Variants in SLC35F6 observed in about 807,000 individuals in gnomAD.
SLC35F6 encodes solute carrier family 35 member F6.
SLC35F6 carries 26 observed loss-of-function variants against 29.4 expected under a neutral mutation model. That is an observed-to-expected ratio of 0.89 (90% CI 0.65 to 1.23). SLC35F6 has a LOEUF of 1.23. Among genes scored for constraint, SLC35F6 ranks in the 50% most tolerant of loss-of-function variants. The pLI is 0.00. For missense variants in SLC35F6, 428 were observed against 487.8 expected, an observed-to-expected ratio of 0.88 and a Z score of 1.15; for synonymous variants, 174 against 206.6, an observed-to-expected ratio of 0.84 and a Z score of 1.35.
Position 26,778,755 on chromosome 2 carries a change from C to A in SLC35F6, c.*244C>A. ...GAGTGCAGTGGCAGACCTCAGCTCT[C>A]TGGACCCCTCCTACAGCACTAGAGC... On this transcript the variant is annotated 3_prime_UTR_variant, in exon 6 of 6. Coordinates refer to ENST00000344420, the MANE Select transcript of SLC35F6 (RefSeq NM_017877.4). 1 of 513,930 alleles carries A rather than the reference C, an allele frequency of 1.9e-6. No homozygotes were observed. The highest frequency in any genetic ancestry group is 3.7e-5 in the South Asian group (1 of 27,370). 31.8% of individuals were successfully genotyped at this position (513,930 alleles called of 1,614,324 possible).
At chr2:26,771,968 G>A (rs1049378079) in intron 1 of SLC35F6, among the ~76,000 whole-genome samples, 5 of 151,840 alleles carry the variant, frequency 3.3e-5, no homozygotes, top group Admixed American at 6.6e-5. Flanking sequence ...CCAGGCTCCA[G>A]GTTTCTCTCT....
intron 1 of SLC35F6, among the ~76,000 whole-genome samples, chr2:26,767,497 T>C (rs1664115915): frequency 6.6e-6 from 1 of 152,240 alleles, no homozygotes; most frequent in Non-Finnish European, 1.5e-5. Flanking sequence ...AGGTCAGCTT[T>C]CCTCTCTGCG....
In SLC35F6 at chr2:26,778,848, T is replaced by C. The variant is rs1664355507; in HGVS notation, c.*337T>C. 1.7e-5 allele frequency: 5 copies of C among 289,610 alleles called. No individual in the cohort carries two copies. The highest frequency in any genetic ancestry group is 3.2e-5 in the Non-Finnish European group (5 of 155,220). 17.9% of individuals were successfully genotyped at this position (289,610 alleles called of 1,614,324 possible). ...ATCTGAATCATAAACTAGATTATCATAGTTATCTAGTTTATGAGTCATAAG... is the reference window on the plus strand; with the variant it reads ...ATCTGAATCATAAACTAGATTATCACAGTTATCTAGTTTATGAGTCATAAG... On this transcript the variant is annotated 3_prime_UTR_variant, in exon 6 of 6. Coordinates refer to ENST00000344420, the MANE Select transcript of SLC35F6 (RefSeq NM_017877.4).
chr2:26,776,278 CAG>C (rs1664298695), intron 4 of SLC35F6, 92 bp from the exon 5 acceptor site: 1 of 1,112,784 alleles, frequency 9.0e-7, no homozygotes, highest in Non-Finnish European at 1.3e-6. Flanking sequence ...CTGCAGAGGT[CAG>C]GGGCTGGCAT....
In SLC35F6 at chr2:26,775,783, G is replaced by C. The variant is rs978970425; in HGVS notation, c.535+107G>C. 39 of 1,233,490 alleles carry C rather than the reference G, an allele frequency of 3.2e-5. No homozygotes were observed. The highest frequency in any genetic ancestry group is 3.8e-5 in the Non-Finnish European group (35 of 910,922). 76.4% of individuals were successfully genotyped at this position (1,233,490 alleles called of 1,614,324 possible). On this transcript the variant is annotated intron_variant, in intron 4 of 5. Coordinates refer to ENST00000344420, the MANE Select transcript of SLC35F6 (RefSeq NM_017877.4). The surrounding 1 kb of genome is among the most constrained non-coding windows in gnomAD (Gnocchi z 4.6). ...TGCCATGTGCCATATACCAAGCCCT[G>C]GGTGAGGTGGGTAGCTCTGGAGGTG...
Position 26,764,287 on chromosome 2 carries a change from C to T in SLC35F6, c.-63C>T. 1 of 1,535,924 alleles carries T rather than the reference C, an allele frequency of 6.5e-7. No individual in the cohort carries two copies. The highest frequency in any genetic ancestry group is 8.8e-7 in the Non-Finnish European group (1 of 1,138,138). On this transcript the variant is annotated 5_prime_UTR_variant, in exon 1 of 6. Coordinates refer to ENST00000344420, the MANE Select transcript of SLC35F6 (RefSeq NM_017877.4). ...GACGCCCGGCCCGGAAGCGCTCGCG[C>T]AGGAGACCCCGGGTGACGGGGCCCG...
At position 26,780,459 on chromosome 2, in the gene SLC35F6, T is replaced by G. The variant is rs1558295777; in HGVS notation, c.*1948T>G. The G allele has an allele frequency of 6.6e-6, 1 of 152,218 alleles. No individual in the cohort carries two copies. The highest frequency in any genetic ancestry group is 2.4e-5 in the African/African-American group (1 of 41,440). The allele number at this position is 152,218 out of a possible 1,614,324, so 9.4% of individuals were successfully genotyped here. On this transcript the variant is annotated 3_prime_UTR_variant, in exon 6 of 6. Coordinates refer to ENST00000344420, the MANE Select transcript of SLC35F6 (RefSeq NM_017877.4). ...ACAGACTAAGTAGGATTCTGCCATT[T>G]AGAATAATTCTGGTATCCTGGGCGT...
At chr2:26,769,356 G>T (rs992448234) in intron 1 of SLC35F6, among the ~76,000 whole-genome samples, 1 of 152,200 alleles carries the variant, frequency 6.6e-6, no homozygotes, top group African/African-American at 2.4e-5. Context: ...GGACCCTTCG[G>T]GCCTCCTGCC....
In SLC35F6 at chr2:26,776,404, G is replaced by C. The variant is rs201991218; in HGVS notation, c.568G>C (p.Val190Leu). 1.2e-6 allele frequency: 2 copies of C among 1,614,074 alleles called. No homozygotes were observed. The highest frequency in any genetic ancestry group is 2.7e-5 in the African/African-American group (2 of 74,922). ...DLLIIMAQII[V>L]AIQMVLEEKF... ...GTTGATCATCATGGCCCAGATCATCGTTGCCATCCAGATGGTGCTAGAGGA... is the reference window on the plus strand; with the variant it reads ...GTTGATCATCATGGCCCAGATCATCCTTGCCATCCAGATGGTGCTAGAGGA... The change falls in exon 5 of 6, where the codon GTT (valine) becomes CTT (leucine). Residue 190 changes from valine (V) to leucine (L), a missense_variant. Transcript: ENST00000344420.
At chr2:26,768,305 C>T (rs1181879247) in intron 1 of SLC35F6, among the ~76,000 whole-genome samples, 4 of 151,768 alleles carry the variant, frequency 2.6e-5, no homozygotes, top group African/African-American at 7.3e-5. Context: ...GTAAAATGGA[C>T]TTGGTGATCC....
intron 1 of SLC35F6, among the ~76,000 whole-genome samples, chr2:26,769,671 G>T (rs1387931698): frequency 6.6e-6 from 1 of 152,194 alleles, no homozygotes; most frequent in East Asian, 1.9e-4. Context: ...AGGGACAATA[G>T]CCTGAGGTCC....
At chr2:26,774,939 C>A in intron 2 of SLC35F6, 105 bp from the exon 3 acceptor site, 1 of 1,328,614 alleles carries the variant, frequency 7.5e-7, no homozygotes, top group Non-Finnish European at 1.0e-6. Flanking sequence ...TATTGGGGTT[C>A]TGGGTAAGCT....
At chr2:26,768,654 GC>G (rs1258679455) in intron 1 of SLC35F6, among the ~76,000 whole-genome samples, 2 of 144,574 alleles carry the variant, frequency 1.4e-5, no homozygotes, top group Non-Finnish European at 3.0e-5. Flanking sequence ...ACTGTGCCCA[GC>G]CTTTTTTTTT....
chr2:26,777,513 T>C (rs1435238464), intron 5 of SLC35F6, among the ~76,000 whole-genome samples: 1 of 152,204 alleles, frequency 6.6e-6, no homozygotes, highest in East Asian at 1.9e-4. Context: ...ATGCAGTCTA[T>C]TTCCACTCAT....
At chr2:26,766,158 C>A (rs1664092472) in intron 1 of SLC35F6, among the ~76,000 whole-genome samples, 1 of 152,152 alleles carries the variant, frequency 6.6e-6, no homozygotes, top group South Asian at 2.1e-4. Context: ...TGGTGTGGGG[C>A]CTCTCAGGAT....
chr2:26,778,184 C>T lies in SLC35F6; in HGVS notation c.789C>T (p.Ala263=). 8 of 1,614,162 alleles carry T rather than the reference C, an allele frequency of 5.0e-6. No homozygotes were observed. The highest frequency in any genetic ancestry group is 5.1e-6 in the Non-Finnish European group (6 of 1,180,026). ...FCQVGQQPLI[A]VALLGNISSI... ...AGGTGGGCCAGCAGCCGCTCATTGCCGTGGCACTGCTGGGCAACATCAGCA... is the reference window on the plus strand; with the variant it reads ...AGGTGGGCCAGCAGCCGCTCATTGCTGTGGCACTGCTGGGCAACATCAGCA... Residue 263 remains alanine, a synonymous_variant, in exon 6 of 6, where the codon GCC becomes GCT. Coordinates refer to ENST00000344420, the MANE Select transcript of SLC35F6 (RefSeq NM_017877.4).
chr2:26,777,647 A>G (rs1490936753), intron 5 of SLC35F6, among the ~76,000 whole-genome samples: 2 of 152,234 alleles, frequency 1.3e-5, no homozygotes, highest in Non-Finnish European at 2.9e-5. Flanking sequence ...AACTTGTGAA[A>G]ATAATGTAGT....
At chr2:26,772,917 C>T (rs954592206) in intron 1 of SLC35F6, among the ~76,000 whole-genome samples, 6 of 152,150 alleles carry the variant, frequency 3.9e-5, no homozygotes, top group African/African-American at 9.7e-5. Context: ...CTAGGCTCAT[C>T]GGGGAAGTAT....
At chr2:26,776,947 C>T (rs1012593944) in intron 5 of SLC35F6, among the ~76,000 whole-genome samples, 2 of 152,192 alleles carry the variant, frequency 1.3e-5, no homozygotes, top group African/African-American at 4.8e-5. Flanking sequence ...TACCTGTAAT[C>T]CCAGCACTTT....
Sources: gnomAD v4.1 joint callset for allele counts (sites outside exome capture counted in the v4.1 genomes callset) on GRCh38, gnomAD v4.1.1 for gene constraint, Gnocchi (gnomAD v3.1) non-coding constraint, MANE v1.5 for transcripts, NCBI Gene and HGNC (gene_info 2026-07-23, HGNC 2026-07-21) for gene names.